The following NCCRP1 variants were observed in gnomAD, a reference collection of about 807,000 sequenced individuals.
NCCRP1 encodes the protein NCCRP1, F-box associated domain containing.
NCCRP1 carries 32 observed loss-of-function variants against 34.4 expected under a neutral mutation model. That is an observed-to-expected ratio of 0.93 (90% CI 0.70 to 1.25). The LOEUF (loss-of-function observed/expected upper bound fraction) is 1.25. Among genes scored for constraint, NCCRP1 ranks in the 50% most tolerant of loss-of-function variants. The probability of loss-of-function intolerance (pLI) is 0.00; values close to 1 mark genes in which losing one functional copy is unlikely to be tolerated. For missense variants in NCCRP1, 372 were observed against 391.8 expected (o/e 0.95, Z 0.43); for synonymous variants, 172 against 180.1 (o/e 0.95, Z 0.36).
Position 39,200,511 on chromosome 19 carries a change from A to C in NCCRP1, c.687+27A>C. ...TGAGACTCTCCGCGCCGGGGCCCTCAACCCCAGACGTGTGTTCTTGTCCCA... is the reference window on the plus strand; with the variant it reads ...TGAGACTCTCCGCGCCGGGGCCCTCCACCCCAGACGTGTGTTCTTGTCCCA... On this transcript the variant is annotated intron_variant, in intron 5 of 5. Coordinates refer to ENST00000339852, the MANE Select transcript of NCCRP1 (RefSeq NM_001001414.2). The surrounding 1 kb of genome is among the most constrained non-coding windows in gnomAD (Gnocchi z 5.8). 1 of 1,611,646 alleles carries C rather than the reference A, an allele frequency of 6.2e-7. No homozygotes were observed. The highest frequency in any genetic ancestry group is 8.5e-7 in the Non-Finnish European group (1 of 1,179,260).
Position 39,200,928 on chromosome 19 carries a change from GC to G in NCCRP1, c.*176del. 1 of 776,056 alleles carries G rather than the reference GC, an allele frequency of 1.3e-6. No individual in the cohort carries two copies. Among genetic ancestry groups the G allele is most frequent in the Non-Finnish European group, 2.0e-6 (1 of 497,660 alleles). 48.1% of individuals were successfully genotyped at this position (776,056 alleles called of 1,614,324 possible). A position where few individuals can be genotyped will look rare whatever the true frequency, so the allele number is the denominator to read the frequency against. ...CCAGCATTTTCCCAGCACTGTCTGA[GC>G]CCCATGAGGGCGGAGCCACTCCTTG... On this transcript the variant is annotated 3_prime_UTR_variant, in exon 6 of 6. Coordinates refer to ENST00000339852, the MANE Select transcript of NCCRP1 (RefSeq NM_001001414.2). The surrounding 1 kb of genome is among the most constrained non-coding windows in gnomAD (Gnocchi z 5.8).
Position 39,201,380 on chromosome 19 carries a change from G to A in NCCRP1, c.*624G>A, listed in dbSNP as rs2074787887. The A allele has an allele frequency of 6.7e-6, 1 of 149,392 alleles. No homozygotes were observed. The highest frequency in any genetic ancestry group is 2.1e-4 in the South Asian group (1 of 4,732). The allele number at this position is 149,392 out of a possible 1,614,324, so 9.3% of individuals were successfully genotyped here. Reference sequence around the variant, plus strand: ...GGCTGGAGTGTAGTGACACGATCTCGACTCACTGCAATTTCCACCTCTCAG... The same window carrying A: ...GGCTGGAGTGTAGTGACACGATCTCAACTCACTGCAATTTCCACCTCTCAG... On this transcript the variant is annotated 3_prime_UTR_variant, in exon 6 of 6. Coordinates refer to ENST00000339852, the MANE Select transcript of NCCRP1 (RefSeq NM_001001414.2).
At chr19:39,197,766 A>G (rs2074769163) in intron 1 of NCCRP1, among the ~76,000 whole-genome samples, 1 of 152,086 alleles carries the variant, frequency 6.6e-6, no homozygotes, top group African/African-American at 2.4e-5. Flanking sequence ...TAGTAGACAC[A>G]GGGTTTCGTC....
intron 4 of NCCRP1, among the ~76,000 whole-genome samples, chr19:39,199,509 C>CTTTTTTTTT (rs150534648): frequency 5.0e-4 from 34 of 67,862 alleles, no homozygotes; most frequent in African/African-American, 5.7e-4. Context: ...TTTTTTCTTT[C>CTTTTTTTTT]TTTTTTTTTT....
chr19:39,201,482 TA>T lies in NCCRP1; in HGVS notation c.*727del, dbSNP rs1330681220. 1.3e-5 allele frequency: 2 copies of T among 152,192 alleles called. No individual in the cohort carries two copies. Among genetic ancestry groups the T allele is most frequent in the Admixed American group, 6.5e-5 (1 of 15,270 alleles). The allele number at this position is 152,192 out of a possible 1,614,324, so 9.4% of individuals were successfully genotyped here. A position where few individuals can be genotyped will look rare whatever the true frequency, so the allele number is the denominator to read the frequency against. ...CACAGCACCTCCCCCGACTAATTTT[TA>T]TATTTTTAGTAGAGACGGGATTTCG... On this transcript the variant is annotated 3_prime_UTR_variant, in exon 6 of 6. Transcript: ENST00000339852.
Position 39,200,474 on chromosome 19 carries a change from G to A in NCCRP1, c.677G>A (p.Arg226His), listed in dbSNP as rs201299839. 1.8e-4 allele frequency: 283 copies of A among 1,613,202 alleles called. 1 individual carries two copies. The East Asian group carries it at 2.5e-3, about 14-fold the overall frequency. ...ACTTCTGGGAGAGGACCCCCTGGCCGCTGGGTCCAGGTGAGACTCTCCGCG... is the reference window on the plus strand; with the variant it reads ...ACTTCTGGGAGAGGACCCCCTGGCCACTGGGTCCAGGTGAGACTCTCCGCG... ...PRTSGRGPPG[R>H]WVQVSHVFRH... The change falls in exon 5 of 6, where the codon CGC becomes CAC. Residue 226 changes from arginine (R) to histidine (H), a missense_variant. By Grantham distance (29) the Arg-to-His change is conservative. Transcript: ENST00000339852. The surrounding 1 kb of genome is among the most constrained non-coding windows in gnomAD (Gnocchi z 5.8).
Position 39,200,616 on chromosome 19 carries a change from G to T in NCCRP1, c.688G>T (p.Val230Leu), listed in dbSNP as rs367555888. The T allele has an allele frequency of 6.2e-7, 1 of 1,613,876 alleles. No individual in the cohort carries two copies. Among genetic ancestry groups the T allele is most frequent in the Non-Finnish European group, 8.5e-7 (1 of 1,179,982 alleles). ...GRGPPGRWVQVSHVFRHYGPG... is the reference protein window; with the variant it reads ...GRGPPGRWVQLSHVFRHYGPG... ...CTAACCCCAGGTGCTGTCACCACAG[G>T]TGTCCCACGTATTCCGCCATTATGG... Residue 230 changes from valine to leucine, a missense_variant and splice_region_variant, in exon 6 of 6, where the codon GTG becomes TTG. Coordinates refer to ENST00000339852, the MANE Select transcript of NCCRP1 (RefSeq NM_001001414.2). This position sits in a 1 kb window ranked among gnomAD's most constrained non-coding sequence, Gnocchi z 5.8.
In NCCRP1 at chr19:39,200,534, C is replaced by T. The variant is rs766924485; in HGVS notation, c.687+50C>T. On this transcript the variant is annotated intron_variant, in intron 5 of 5. Transcript: ENST00000339852. This position sits in a 1 kb window ranked among gnomAD's most constrained non-coding sequence, Gnocchi z 5.8. ...TCAACCCCAGACGTGTGTTCTTGTC[C>T]CAAGACCTCACAGAGGGAGGAGAAC... 4.3e-6 allele frequency: 7 copies of T among 1,610,198 alleles called. No individual in the cohort carries two copies. The highest frequency in any genetic ancestry group is 2.7e-5 in the African/African-American group (2 of 74,872).
rs535604747 is a variant in NCCRP1 at position 39,200,520 on chromosome 19, C to T, written c.687+36C>T. On this transcript the variant is annotated intron_variant, in intron 5 of 5. Transcript: ENST00000339852. This position sits in a 1 kb window ranked among gnomAD's most constrained non-coding sequence, Gnocchi z 5.8. The stretch of plus-strand genomic sequence containing the variant: ...CCGCGCCGGGGCCCTCAACCCCAGA[C>T]GTGTGTTCTTGTCCCAAGACCTCAC... The T allele has an allele frequency of 2.8e-5, 45 of 1,610,928 alleles. No individual in the cohort carries two copies. The South Asian group carries it at 3.2e-4, about 11-fold the overall frequency.
chr19:39,199,908 C>G (rs1371010356), intron 4 of NCCRP1, among the ~76,000 whole-genome samples: 44 of 152,244 alleles, frequency 2.9e-4, no homozygotes, highest in African/African-American at 1.0e-3. Flanking sequence ...CACCAGGAAG[C>G]CCTCCCTGAT....
In NCCRP1 at chr19:39,199,215, G is replaced by A. The variant is rs758388615; in HGVS notation, c.498G>A (p.Leu166=). 5.0e-6 allele frequency: 8 copies of A among 1,614,082 alleles called. No individual in the cohort carries two copies. The South Asian group carries it at 7.7e-5, about 16-fold the overall frequency. Reference sequence around the variant, plus strand: ...GTGTGGACCTTCTGGCCGAGGGCCTGTGGGAGGAGCTGCTGGATGACGAAC... The same window carrying A: ...GTGTGGACCTTCTGGCCGAGGGCCTATGGGAGGAGCTGCTGGATGACGAAC... ...QQCVDLLAEG[L]WEELLDDEQP... is the part of the protein sequence containing the mutation. The change falls in exon 4 of 6, where the codon CTG becomes CTA. Residue 166 remains leucine (L), a synonymous_variant. Transcript: ENST00000339852.
rs768209885 is a variant in NCCRP1, at chr19:39,200,668, T to C, written c.740T>C (p.Leu247Pro). ...CCCGGTGTGCGCTTTATCCACTTCC[T>C]GCACAAGGCCAAGAACCGCATGGAG... ...YGPGVRFIHF[L>P]HKAKNRMEPG... Residue 247 changes from leucine (L) to proline (P), a missense_variant, in exon 6 of 6, where the codon CTG becomes CCG. By Grantham distance (98) the Leu-to-Pro change is moderately conservative. Coordinates refer to ENST00000339852, the MANE Select transcript of NCCRP1 (RefSeq NM_001001414.2). The surrounding 1 kb of genome is among the most constrained non-coding windows in gnomAD (Gnocchi z 5.8). The C allele has an allele frequency of 1.2e-6, 2 of 1,614,104 alleles. No homozygotes were observed. The highest frequency in any genetic ancestry group is 2.2e-5 in the East Asian group (1 of 44,872).
rs367877232 is a variant in NCCRP1, at chr19:39,200,625, G to A, written c.697G>A (p.Val233Ile). The A allele has an allele frequency of 1.1e-5, 17 of 1,613,918 alleles. No homozygotes were observed. The East Asian group carries it at 1.3e-4, about 13-fold the overall frequency. ...GGTGCTGTCACCACAGGTGTCCCACGTATTCCGCCATTATGGTCCCGGTGT... is the reference window on the plus strand; with the variant it reads ...GGTGCTGTCACCACAGGTGTCCCACATATTCCGCCATTATGGTCCCGGTGT... The part of the protein sequence containing the change: ...PPGRWVQVSH[V>I]FRHYGPGVRF... The change falls in exon 6 of 6, where the codon GTA becomes ATA. Residue 233 changes from valine to isoleucine, a missense_variant. Coordinates refer to ENST00000339852, the MANE Select transcript of NCCRP1 (RefSeq NM_001001414.2). The surrounding 1 kb of genome is among the most constrained non-coding windows in gnomAD (Gnocchi z 5.8).
intron 4 of NCCRP1, 135 bp downstream of exon 4, chr19:39,199,400 A>G: frequency 1.5e-6 from 1 of 678,466 alleles, no homozygotes; most frequent in Non-Finnish European, 2.5e-6. Context: ...TGCCCTGCCC[A>G]CCTCCCTGGC....
At chr19:39,198,000 G>A (rs1304945178) in intron 1 of NCCRP1, 53 bp from the exon 2 acceptor site, 1 of 1,594,262 alleles carries the variant, frequency 6.3e-7, no homozygotes, top group Non-Finnish European at 8.6e-7. Flanking sequence ...GAGGGGTGAG[G>A]CGGTGGAAGA....
At position 39,197,306 on chromosome 19, in the gene NCCRP1, G is replaced by A; in HGVS notation, c.324G>A (p.Ser108=). 2 of 1,468,326 alleles carry A rather than the reference G, an allele frequency of 1.4e-6. No individual in the cohort carries two copies. The highest frequency in any genetic ancestry group is 1.4e-5 in the South Asian group (1 of 73,024). 91.0% of individuals were successfully genotyped at this position (1,468,326 alleles called of 1,614,324 possible). The change falls in exon 1 of 6, where the codon TCG becomes TCA. Residue 108 remains serine (S), a synonymous_variant. Coordinates refer to ENST00000339852, the MANE Select transcript of NCCRP1 (RefSeq NM_001001414.2). ...RRPLYRNLLR[S]PNPEGINIYE... is the part of the protein sequence containing the mutation. ...CGCTCTACCGCAACCTGCTGCGCTCGCCCAACCCCGAAGGTGCGCAAGGGC... is the reference window on the plus strand; with the variant it reads ...CGCTCTACCGCAACCTGCTGCGCTCACCCAACCCCGAAGGTGCGCAAGGGC...
At chr19:39,199,699 G>A (rs1014731614) in intron 4 of NCCRP1, among the ~76,000 whole-genome samples, 12 of 151,466 alleles carry the variant, frequency 7.9e-5, no homozygotes, top group Non-Finnish European at 1.6e-4. Context: ...TTTTAGTAGC[G>A]ATGGGGTTTC....
rs753673551 is a variant in NCCRP1 at position 39,197,036 on chromosome 19, G to A, written c.54G>A (p.Gly18=). Residue 18 remains glycine (G), a synonymous_variant, in exon 1 of 6, where the codon GGG becomes GGA. Coordinates refer to ENST00000339852, the MANE Select transcript of NCCRP1 (RefSeq NM_001001414.2). ...HALGGGMEAD[G]PASLQELPPS... ...TCGGTGGCGGGATGGAAGCCGATGG[G>A]CCCGCGAGCCTCCAGGAGCTGCCTC... is the stretch of plus-strand genomic sequence containing the variant. 1 of 1,533,844 alleles carries A rather than the reference G, an allele frequency of 6.5e-7. No homozygotes were observed. The highest frequency in any genetic ancestry group is 2.5e-5 in the East Asian group (1 of 40,688).
At position 39,200,346 on chromosome 19, in the gene NCCRP1, G is replaced by T. The variant is rs750169373; in HGVS notation, c.549G>T (p.Trp183Cys). Residue 183 changes from tryptophan (W) to cysteine (C), a missense_variant and splice_region_variant, in exon 5 of 6, where the codon TGG (tryptophan) becomes TGT (cysteine). Transcript: ENST00000339852. The surrounding 1 kb of genome is among the most constrained non-coding windows in gnomAD (Gnocchi z 5.8). ...DEQPAITVMD[W>C]FEDSRLDACV... ...CTGAAGGCCTTGACTCCGCCTGCAG[G>T]TTCGAGGACAGCCGGCTGGATGCGT... 9 of 1,613,148 alleles carry T rather than the reference G, an allele frequency of 5.6e-6. No homozygotes were observed. The highest frequency in any genetic ancestry group is 3.3e-5 in the Admixed American group (2 of 59,992).
Sources: allele counts gnomAD v4.1 joint callset (sites outside exome capture counted in the v4.1 genomes callset), GRCh38; gene constraint gnomAD v4.1.1; non-coding constraint Gnocchi (gnomAD v3.1); transcripts MANE v1.5; gene names NCBI Gene and HGNC (gene_info 2026-07-23, HGNC 2026-07-21).